SSH1: variants seen among roughly 807,000 people sequenced by gnomAD.
SSH1 encodes the protein slingshot protein phosphatase 1, also known as protein phosphatase Slingshot homolog 1.
Under a neutral mutation model 79.7 loss-of-function variants are expected in SSH1, and 43 were observed. That is an observed-to-expected ratio of 0.54 (90% CI 0.42 to 0.70). The LOEUF (loss-of-function observed/expected upper bound fraction) is 0.70. Ranked by LOEUF, SSH1 falls within the 30% of genes least tolerant of loss-of-function variation. The pLI, the probability that SSH1 is intolerant of heterozygous loss-of-function variation, is 0.00. For synonymous variants in SSH1, 599 were observed against 538.3 expected (o/e 1.11, Z -1.56); for missense variants, 1,206 against 1,358.8 (o/e 0.89, Z 1.77).
At chr12:108,851,863 T>C (rs567872292) in intron 2 of SSH1, among the ~76,000 whole-genome samples, 2 of 152,184 alleles carry the variant, frequency 1.3e-5, no homozygotes, top group South Asian at 2.1e-4. Context: ...AGTGTCATGA[T>C]TATTACTTTT....
rs911184008 is a variant in SSH1, at chr12:108,783,191, C to T, written c.*4797G>A. On this transcript the variant is annotated 3_prime_UTR_variant, in exon 15 of 15. Coordinates refer to ENST00000326495, the MANE Select transcript of SSH1 (RefSeq NM_018984.4). ...CGTTCTTTCATTGGCTCCTATGGGACACAGCATGGGCCAATGCCTGCCTGG... is the reference window on the plus strand; with the variant it reads ...CGTTCTTTCATTGGCTCCTATGGGATACAGCATGGGCCAATGCCTGCCTGG... 4.6e-5 allele frequency: 7 copies of T among 152,248 alleles called. No individual in the cohort carries two copies. Among genetic ancestry groups the T allele is most frequent in the Admixed American group, 3.9e-4 (6 of 15,292 alleles). 9.4% of individuals were successfully genotyped at this position (152,248 alleles called of 1,614,324 possible). A position where few individuals can be genotyped will look rare whatever the true frequency, so the allele number is the denominator to read the frequency against.
intron 8 of SSH1, 117 bp from the exon 9 acceptor site, chr12:108,806,511 G>T: frequency 1.1e-6 from 1 of 889,874 alleles, no homozygotes; most frequent in Non-Finnish European, 1.9e-6. Context: ...AGGAGAGCAC[G>T]CTTCTTGGTG....
At chr12:108,843,116 T>C (rs2038818391) in intron 2 of SSH1, among the ~76,000 whole-genome samples, 1 of 152,162 alleles carries the variant, frequency 6.6e-6, no homozygotes, top group South Asian at 2.1e-4. Flanking sequence ...TGTTGCTATA[T>C]TCCCAGCCCC....
intron 5 of SSH1, among the ~76,000 whole-genome samples, chr12:108,813,163 G>A (rs926840996): frequency 1.3e-5 from 2 of 152,106 alleles, no homozygotes; most frequent in African/African-American, 2.4e-5. Flanking sequence ...TACATAGTAA[G>A]GGAAGCTGAA....
intron 5 of SSH1, among the ~76,000 whole-genome samples, chr12:108,815,475 G>A (rs917843279): frequency 2.6e-5 from 4 of 152,242 alleles, no homozygotes; most frequent in Non-Finnish European, 4.4e-5. Context: ...CCACACTTGC[G>A]AGGGAAGTCC....
Position 108,799,160 on chromosome 12 carries a change from C to T in SSH1, c.1189G>A (p.Val397Met), listed in dbSNP as rs767419477. ...ATGACTGTGGAGGCCGAGCGACTCACGCCCATTTTGCAATGCACCAGGCAC... is the reference window on the plus strand; with the variant it reads ...ATGACTGTGGAGGCCGAGCGACTCATGCCCATTTTGCAATGCACCAGGCAC... Reference protein sequence around the residue: ...SKCLVHCKMGVSRSASTVIAY... With the variant: ...SKCLVHCKMGMSRSASTVIAY... The change falls in exon 13 of 15, where the codon GTG becomes ATG. Residue 397 changes from valine to methionine, a missense_variant. Val to Met is a conservative substitution (Grantham distance 21, BLOSUM62 1). Transcript: ENST00000326495. 2.5e-6 allele frequency: 4 copies of T among 1,614,018 alleles called. No homozygotes were observed. Among genetic ancestry groups the T allele is most frequent in the Non-Finnish European group, 3.4e-6 (4 of 1,180,026 alleles).
chr12:108,809,197 C>T (rs1016897838), intron 7 of SSH1, among the ~76,000 whole-genome samples: 3 of 136,234 alleles, frequency 2.2e-5, no homozygotes, highest in Non-Finnish European at 3.2e-5. Flanking sequence ...GCCTGGAATC[C>T]CAGCACTTTG....
At chr12:108,828,877 G>T (rs755470727) in intron 2 of SSH1, among the ~76,000 whole-genome samples, 1 of 152,202 alleles carries the variant, frequency 6.6e-6, no homozygotes, top group Non-Finnish European at 1.5e-5. Context: ...GGCTGTAGGA[G>T]GTACTTAGCT....
In SSH1 at chr12:108,783,923, A is replaced by G. The variant is rs2036199123; in HGVS notation, c.*4065T>C. On this transcript the variant is annotated 3_prime_UTR_variant, in exon 15 of 15. Coordinates refer to ENST00000326495, the MANE Select transcript of SSH1 (RefSeq NM_018984.4). ...TGCTCTGTGCTAGCCAGGTGTCACCAAGTTTCTGATCTACCCAGCTCTCTT... is the reference window on the plus strand; with the variant it reads ...TGCTCTGTGCTAGCCAGGTGTCACCGAGTTTCTGATCTACCCAGCTCTCTT... 1 of 152,202 alleles carries G rather than the reference A, an allele frequency of 6.6e-6. No homozygotes were observed. Among genetic ancestry groups the G allele is most frequent in the African/African-American group, 2.4e-5 (1 of 41,440 alleles). The allele number at this position is 152,202 out of a possible 1,614,324, so 9.4% of individuals were successfully genotyped here. A position where few individuals can be genotyped will look rare whatever the true frequency, so the allele number is the denominator to read the frequency against.
intron 6 of SSH1, among the ~76,000 whole-genome samples, chr12:108,810,419 G>A (rs2037521091): frequency 6.6e-6 from 1 of 152,008 alleles, no homozygotes; most frequent in South Asian, 2.1e-4. Context: ...CTATTCGGGA[G>A]GCTGAGGCAG....
At position 108,787,609 on chromosome 12, in the gene SSH1, G is replaced by T. The variant is rs970639429; in HGVS notation, c.*379C>A. ...TTTCTGCGAGGCCAAGAATGAGCTA[G>T]AACGTGTGCCGCGGTGAGGCTGCCA... On this transcript the variant is annotated 3_prime_UTR_variant, in exon 15 of 15. Coordinates refer to ENST00000326495, the MANE Select transcript of SSH1 (RefSeq NM_018984.4). The T allele has an allele frequency of 2.6e-5, 7 of 266,472 alleles. No homozygotes were observed. The highest frequency in any genetic ancestry group is 5.1e-5 in the Non-Finnish European group (7 of 136,344). The allele number at this position is 266,472 out of a possible 1,614,324, so 16.5% of individuals were successfully genotyped here.
chr12:108,856,005 T>C lies in SSH1; in HGVS notation c.69+1423A>G, dbSNP rs143102551. 4.6e-4 allele frequency among the ~76,000 whole-genome samples: 70 copies of C among 152,304 alleles called. No individual in the cohort carries two copies. In the East Asian group the frequency reaches 0.013, roughly 29 times the overall value. ...TGCAAACATTATTCTCTTGTCTCTCTCAGACACACAAACCTCCCCCGTGTT... is the reference window on the plus strand; with the variant it reads ...TGCAAACATTATTCTCTTGTCTCTCCCAGACACACAAACCTCCCCCGTGTT... On this transcript the variant is annotated intron_variant, in intron 1 of 14. Coordinates refer to ENST00000326495, the MANE Select transcript of SSH1 (RefSeq NM_018984.4).
At chr12:108,825,993 C>T (rs1242978045) in intron 2 of SSH1, 1 of 398,318 alleles carries the variant, frequency 2.5e-6, no homozygotes, top group African/African-American at 2.1e-5. Context: ...AGGTTCCAAA[C>T]TCATGAAACC....
Position 108,780,353 on chromosome 12 carries a change from C to T in SSH1, c.*7635G>A, listed in dbSNP as rs1363659940. The T allele has an allele frequency of 6.6e-6, 1 of 152,216 alleles. No individual in the cohort carries two copies. Among genetic ancestry groups the T allele is most frequent in the Non-Finnish European group, 1.5e-5 (1 of 68,054 alleles). The allele number at this position is 152,216 out of a possible 1,614,324, so 9.4% of individuals were successfully genotyped here. ...GAGACAGTTACTCTGAGGAGGAAATCAGGGCAAAAGCAGCCCATTACAGGA... is the reference window on the plus strand; with the variant it reads ...GAGACAGTTACTCTGAGGAGGAAATTAGGGCAAAAGCAGCCCATTACAGGA... On this transcript the variant is annotated 3_prime_UTR_variant, in exon 15 of 15. Transcript: ENST00000326495.
chr12:108,784,095 T>C lies in SSH1; in HGVS notation c.*3893A>G, dbSNP rs1476927944. 6.6e-6 allele frequency: 1 copy of C among 152,214 alleles called. No individual in the cohort carries two copies. 9.4% of individuals were successfully genotyped at this position (152,214 alleles called of 1,614,324 possible). On this transcript the variant is annotated 3_prime_UTR_variant, in exon 15 of 15. Transcript: ENST00000326495. The stretch of plus-strand genomic sequence containing the variant: ...GAAGGCAACTCCCTCTCCAGATGCC[T>C]CAGGTGAGATGACTTAATAGGATCT...
intron 2 of SSH1, among the ~76,000 whole-genome samples, chr12:108,828,835 T>A (rs2038399579): frequency 6.6e-6 from 1 of 152,230 alleles, no homozygotes; most frequent in Admixed American, 6.5e-5. Flanking sequence ...TCAACAGGAC[T>A]ATTATTTACT....
chr12:108,818,200 CA>C, intron 4 of SSH1, 48 bp downstream of exon 4: 14 of 1,562,578 alleles, frequency 9.0e-6, no homozygotes, highest in Non-Finnish European at 1.2e-5. Context: ...CCTCATCTCA[CA>C]AAAATTAAAA....
At chr12:108,790,570 C>T (rs188472891) in intron 14 of SSH1, among the ~76,000 whole-genome samples, 85 of 152,288 alleles carry the variant, frequency 5.6e-4, no homozygotes, top group African/African-American at 1.9e-3. Flanking sequence ...AAGCGTGAGC[C>T]ACTGCACCTG....
intron 2 of SSH1, among the ~76,000 whole-genome samples, chr12:108,824,564 T>C (rs925280710): frequency 1.3e-5 from 2 of 152,200 alleles, no homozygotes; most frequent in Admixed American, 6.5e-5. Context: ...AAACCTCAAG[T>C]TGGCCCAATG....
Sources: allele counts gnomAD v4.1 joint callset (sites outside exome capture counted in the v4.1 genomes callset), GRCh38; gene constraint gnomAD v4.1.1; transcripts MANE v1.5; gene names NCBI Gene and HGNC (gene_info 2026-07-23, HGNC 2026-07-21).